Variants in PDE10A observed in about 807,000 individuals in gnomAD.
PDE10A encodes the protein cAMP and cAMP-inhibited cGMP 3',5'-cyclic phosphodiesterase 10A.
A neutral mutation model predicts 97.7 loss-of-function variants in PDE10A; 39 were observed. The ratio of observed to expected loss-of-function variants is 0.40; its 90% confidence interval spans 0.31 to 0.52. The LOEUF (loss-of-function observed/expected upper bound fraction) is 0.52. PDE10A is among the 20% of genes least tolerant of loss of function. The pLI is 0.56. For synonymous variants in PDE10A, 371 were observed against 376.8 expected, an observed-to-expected ratio of 0.98 and a Z score of 0.18; for missense variants, 731 against 1,047.8, an observed-to-expected ratio of 0.70 and a Z score of 4.17.
intron 1 of PDE10A, among the ~76,000 whole-genome samples, chr6:165,734,995 AGGTAGGTAGGTAGG>A (rs1792532391): frequency 6.9e-6 from 1 of 145,090 alleles, no homozygotes; most frequent in African/African-American, 2.8e-5. Context: ...GATAGATAGT[AGGTAGGTAGGTAGG>A]TAGATAGGTA....
At chr6:165,397,659 G>A (rs893989047) in intron 13 of PDE10A, among the ~76,000 whole-genome samples, 5 of 134,932 alleles carry the variant, frequency 3.7e-5, no homozygotes, top group Non-Finnish European at 7.6e-5. Context: ...CCAAGATGGC[G>A]CCATTGCACT....
intron 18 of PDE10A, 128 bp downstream of exon 18, chr6:165,379,066 T>G: frequency 1.6e-6 from 1 of 639,990 alleles, no homozygotes; most frequent in Non-Finnish European, 2.6e-6. Flanking sequence ...GTACATAAAG[T>G]GAAAAACATG....
At chr6:165,525,342 T>C (rs947200227) in intron 2 of PDE10A, among the ~76,000 whole-genome samples, 1 of 152,182 alleles carries the variant, frequency 6.6e-6, no homozygotes, top group African/African-American at 2.4e-5. Context: ...ATTTTTAATG[T>C]TGCAGCTCGG....
At chr6:165,493,106 T>C (rs1182041659) in intron 2 of PDE10A, among the ~76,000 whole-genome samples, 1 of 151,906 alleles carries the variant, frequency 6.6e-6, no homozygotes, top group Non-Finnish European at 1.5e-5. Context: ...AAAAATAAAA[T>C]ACTTAGGAAT....
intron 1 of PDE10A, among the ~76,000 whole-genome samples, chr6:165,769,803 A>G (rs1777955649): frequency 6.6e-6 from 1 of 152,180 alleles, no homozygotes; most frequent in South Asian, 2.1e-4. Context: ...CGTTTTGAGA[A>G]CTAAGCTGCC....
At chr6:165,858,523 G>C (rs1780812314) in intron 1 of PDE10A, among the ~76,000 whole-genome samples, 1 of 152,216 alleles carries the variant, frequency 6.6e-6, no homozygotes, top group Non-Finnish European at 1.5e-5. Flanking sequence ...CGGTCACTGG[G>C]GGTGAGTGCT....
chr6:165,557,076 T>G (rs1036542781), intron 1 of PDE10A, among the ~76,000 whole-genome samples: 5 of 152,050 alleles, frequency 3.3e-5, no homozygotes, highest in Admixed American at 2.0e-4. Context: ...GAGACGGAGG[T>G]TGCAGTGAGT....
intron 1 of PDE10A, among the ~76,000 whole-genome samples, chr6:165,736,975 C>T (rs12211996): frequency 0.25 from 38,329 of 152,028 alleles, 6,194 homozygotes; most frequent in Non-Finnish European, 0.36. Context: ...ACACTACATC[C>T]GATACTACAG....
intron 1 of PDE10A, among the ~76,000 whole-genome samples, chr6:165,845,042 A>G (rs1294049976): frequency 2.0e-5 from 3 of 152,354 alleles, no homozygotes; most frequent in Middle Eastern, 3.4e-3. Flanking sequence ...AGAGCTCTAT[A>G]AAGAAGCGAT....
At position 165,766,169 on chromosome 6, in the gene PDE10A, A is replaced by G. The variant is rs1777845942; in HGVS notation, c.-615+221360T>C. Among the ~76,000 whole-genome samples, 4 of 152,154 alleles carry G rather than the reference A, an allele frequency of 2.6e-5. No homozygotes were observed. The South Asian group carries it at 8.3e-4, about 32-fold the overall frequency. On this transcript the variant is annotated intron_variant, in intron 1 of 19. Coordinates refer to the PDE10A transcript ENST00000366882. ...CAAGTGTCAAGTGACTGTCGGTGTGAGAAAGAGGTAACCCACAGGGTAGGA... is the reference window on the plus strand; with the variant it reads ...CAAGTGTCAAGTGACTGTCGGTGTGGGAAAGAGGTAACCCACAGGGTAGGA...
At chr6:165,975,788 G>T (rs1784828260) in intron 1 of PDE10A, among the ~76,000 whole-genome samples, 2 of 152,328 alleles carry the variant, frequency 1.3e-5, no homozygotes, top group African/African-American at 4.8e-5. Flanking sequence ...GAATGGAATA[G>T]AAATATTTGG....
intron 3 of PDE10A, among the ~76,000 whole-genome samples, chr6:165,462,430 G>T (rs7744995): frequency 6.6e-6 from 1 of 152,168 alleles, no homozygotes; most frequent in African/African-American, 2.4e-5. Flanking sequence ...ATAACAAAAC[G>T]TTGGGAAATA....
At chr6:165,768,826 T>G (rs1178355304) in intron 1 of PDE10A, among the ~76,000 whole-genome samples, 1 of 152,150 alleles carries the variant, frequency 6.6e-6, no homozygotes, top group African/African-American at 2.4e-5. Flanking sequence ...TAAGAGGAAC[T>G]TGGTGATCGT....
At chr6:165,792,904 G>T (rs1778697693) in intron 1 of PDE10A, among the ~76,000 whole-genome samples, 1 of 152,210 alleles carries the variant, frequency 6.6e-6, no homozygotes, top group African/African-American at 2.4e-5. Context: ...CTCATGGAGT[G>T]AAATGTCTCC....
chr6:165,380,469 T>A (rs1261448609), intron 17 of PDE10A, among the ~76,000 whole-genome samples: 1 of 152,226 alleles, frequency 6.6e-6, no homozygotes, highest in Non-Finnish European at 1.5e-5. Flanking sequence ...GCTCTTAAAG[T>A]CTTAGAAGTA....
At chr6:165,568,081 C>G (rs1404223541) in intron 1 of PDE10A, among the ~76,000 whole-genome samples, 2 of 142,504 alleles carry the variant, frequency 1.4e-5, no homozygotes, top group Non-Finnish European at 3.0e-5. Context: ...TCACTGCAAG[C>G]TCCGCCTCCT....
chr6:165,666,074 G>T (rs1309733380), upstream of PDE10A, among the ~76,000 whole-genome samples: 2 of 152,124 alleles, frequency 1.3e-5, no homozygotes, highest in African/African-American at 4.8e-5. Context: ...CCTTTAAAAA[G>T]TATGAAATTT....
rs529098906 is a variant in PDE10A, at chr6:165,893,444, C to T, written c.-615+94085G>A. ...TGTTAGTTAGGCTTCTATTTATTGT[C>T]GACATTTAACCAGAATGTGAATATA... On this transcript the variant is annotated intron_variant, in intron 1 of 19. Transcript: ENST00000366882. Among the ~76,000 whole-genome samples, 30 of 152,262 alleles carry T rather than the reference C, an allele frequency of 2.0e-4. No homozygotes were observed. The East Asian group carries it at 4.2e-3, about 21-fold the overall frequency.
chr6:165,556,840 T>C (rs574282542), intron 1 of PDE10A, among the ~76,000 whole-genome samples: 66 of 145,610 alleles, frequency 4.5e-4, no homozygotes, highest in Non-Finnish European at 7.3e-4. Context: ...AAATCTTAAA[T>C]AAAAAAAAAA....
Sources: allele counts gnomAD v4.1 joint callset (sites outside exome capture counted in the v4.1 genomes callset), GRCh38; gene constraint gnomAD v4.1.1; transcripts MANE v1.5; gene names NCBI Gene and HGNC (gene_info 2026-07-23, HGNC 2026-07-21).